KCNIP4: variants seen among roughly 807,000 people sequenced by gnomAD.
The protein encoded by KCNIP4 is potassium voltage-gated channel interacting protein 4, also known as Kv channel-interacting protein 4.
In KCNIP4, 12 loss-of-function variants were observed where a neutral mutation model predicts 34.0. That is an observed-to-expected ratio of 0.35 (90% confidence interval 0.23 to 0.57). The LOEUF (loss-of-function observed/expected upper bound fraction) is 0.57, where lower values mean the gene tolerates loss of function less well. Among genes scored for constraint, KCNIP4 ranks in the 20% least tolerant of loss-of-function variants. KCNIP4 has a pLI of 0.83. For missense variants in KCNIP4, 238 were observed against 311.7 expected (o/e 0.76, Z 1.78); for synonymous variants, 124 against 102.2 (o/e 1.21, Z -1.29).
chr4:21,198,750 T>A (rs1177474319), intron 1 of KCNIP4, among the ~76,000 whole-genome samples: 3 of 152,180 alleles, frequency 2.0e-5, no homozygotes, highest in Non-Finnish European at 4.4e-5. Flanking sequence ...CCCACTGTTA[T>A]ATCTATCCTC....
At chr4:20,938,444 G>A (rs1731302649) in intron 1 of KCNIP4, among the ~76,000 whole-genome samples, 1 of 152,090 alleles carries the variant, frequency 6.6e-6, no homozygotes, top group South Asian at 2.1e-4. Context: ...CTCCATCACT[G>A]CTCTGTGTTG....
chr4:21,474,577 C>A (rs1730755867), intron 1 of KCNIP4, among the ~76,000 whole-genome samples: 2 of 152,062 alleles, frequency 1.3e-5, no homozygotes, highest in South Asian at 4.1e-4. Context: ...AGCCTTTCCC[C>A]AAAGCATTAT....
intron 1 of KCNIP4, among the ~76,000 whole-genome samples, chr4:21,916,712 T>G (rs1333357743): frequency 2.0e-5 from 3 of 152,344 alleles, no homozygotes; most frequent in East Asian, 3.9e-4. Context: ...GGGAAAAAGC[T>G]GGGCTTTGAG....
intron 4 of KCNIP4, among the ~76,000 whole-genome samples, chr4:20,753,471 A>C (rs1238849392): frequency 6.6e-6 from 1 of 152,162 alleles, no homozygotes; most frequent in African/African-American, 2.4e-5. Flanking sequence ...AACACAGTGA[A>C]TATAGCAAGT....
At chr4:21,146,121 G>C (rs1447773728) in intron 1 of KCNIP4, among the ~76,000 whole-genome samples, 1 of 152,270 alleles carries the variant, frequency 6.6e-6, no homozygotes, top group Admixed American at 6.5e-5. Flanking sequence ...AGACTCGGCC[G>C]GGCGCAGTGG....
At chr4:21,205,580 C>A (rs1464452364) in intron 1 of KCNIP4, among the ~76,000 whole-genome samples, 2 of 152,182 alleles carry the variant, frequency 1.3e-5, no homozygotes, top group Non-Finnish European at 2.9e-5. Context: ...TGGGTTTACG[C>A]CTCAGGACTA....
At chr4:20,779,008 A>G (rs1756615603) in intron 3 of KCNIP4, among the ~76,000 whole-genome samples, 1 of 152,072 alleles carries the variant, frequency 6.6e-6, no homozygotes, top group African/African-American at 2.4e-5. Flanking sequence ...GAGGAGGAGG[A>G]AGGGAGGGAG....
intron 1 of KCNIP4, among the ~76,000 whole-genome samples, chr4:21,476,119 G>T (rs1020263302): frequency 6.6e-6 from 1 of 152,184 alleles, no homozygotes; most frequent in Admixed American, 6.5e-5. Flanking sequence ...GCAAAAGGAA[G>T]GGTTCACTTC....
chr4:20,938,898 T>C (rs1247580808), intron 1 of KCNIP4, among the ~76,000 whole-genome samples: 1 of 152,180 alleles, frequency 6.6e-6, no homozygotes, highest in Admixed American at 6.5e-5. Flanking sequence ...ACATAGAAAT[T>C]TTTGAAATAT....
intron 1 of KCNIP4, among the ~76,000 whole-genome samples, chr4:21,729,296 A>G (rs1715418898): frequency 6.6e-6 from 1 of 152,196 alleles, no homozygotes; most frequent in Non-Finnish European, 1.5e-5. Flanking sequence ...ATTATTAGAA[A>G]CACTTTTGCA....
At chr4:21,621,025 C>T (rs556652478) in intron 1 of KCNIP4, among the ~76,000 whole-genome samples, 1 of 152,250 alleles carries the variant, frequency 6.6e-6, no homozygotes, top group African/African-American at 2.4e-5. Context: ...ATCTCAGGCT[C>T]CGTACAGAAA....
intron 1 of KCNIP4, among the ~76,000 whole-genome samples, chr4:20,918,725 C>T (rs1246946462): frequency 1.3e-5 from 2 of 152,178 alleles, no homozygotes; most frequent in Non-Finnish European, 2.9e-5. Flanking sequence ...TGTAATACAT[C>T]ATGGGTTTAG....
At chr4:21,005,733 G>A (rs1260434046) in intron 1 of KCNIP4, among the ~76,000 whole-genome samples, 9 of 152,126 alleles carry the variant, frequency 5.9e-5, no homozygotes, top group Admixed American at 3.3e-4. Context: ...CCTCATATCC[G>A]GAATGCTTAT....
At chr4:21,253,248 A>G (rs77994941) in intron 1 of KCNIP4, among the ~76,000 whole-genome samples, 1 of 152,166 alleles carries the variant, frequency 6.6e-6, no homozygotes, top group Non-Finnish European at 1.5e-5. Flanking sequence ...GATCACTGTG[A>G]GGGGTCTCTG....
chr4:21,577,454 ACTCT>A (rs961388589), intron 1 of KCNIP4, among the ~76,000 whole-genome samples: 1 of 151,454 alleles, frequency 6.6e-6, no homozygotes, highest in African/African-American at 2.4e-5. Context: ...ATATAGCAAA[ACTCT>A]CTCTCTACTA....
chr4:21,848,605 C>T (rs1217397036), intron 1 of KCNIP4: 2 of 152,108 alleles, frequency 1.3e-5, no homozygotes, highest in African/African-American at 4.8e-5. Context: ...TGTTCTTGAT[C>T]ATGATTTTTG....
intron 1 of KCNIP4, among the ~76,000 whole-genome samples, chr4:21,041,242 A>C (rs1741933134): frequency 6.6e-6 from 1 of 151,092 alleles, no homozygotes; most frequent in Non-Finnish European, 1.5e-5. Context: ...ACACACACAC[A>C]CACACACACA....
At chr4:21,451,096 G>A (rs1477463842) in intron 1 of KCNIP4, among the ~76,000 whole-genome samples, 4 of 152,032 alleles carry the variant, frequency 2.6e-5, no homozygotes, top group Non-Finnish European at 2.9e-5. Context: ...AAAAAATTGG[G>A]GTAATGGAAA....
At chr4:21,452,956 A>C (rs183202049) in intron 1 of KCNIP4, among the ~76,000 whole-genome samples, 17 of 152,266 alleles carry the variant, frequency 1.1e-4, no homozygotes, top group Admixed American at 1.0e-3. Flanking sequence ...ATATATACTT[A>C]TTCAAGAAGA....
Sources: allele counts gnomAD v4.1 joint callset (sites outside exome capture counted in the v4.1 genomes callset), GRCh38; gene constraint gnomAD v4.1.1; transcripts MANE v1.5; gene names NCBI Gene and HGNC (gene_info 2026-07-23, HGNC 2026-07-21).